Variants in LRP1B observed in about 807,000 individuals in gnomAD.
LRP1B encodes the protein low-density lipoprotein receptor-related protein 1B.
A neutral mutation model predicts 556.6 loss-of-function variants in LRP1B; 217 were observed. The observed-to-expected ratio is 0.39, with a 90% CI of 0.35 to 0.44. LRP1B has a LOEUF of 0.44. LRP1B is among the 20% of genes least tolerant of loss of function. The probability of loss-of-function intolerance (pLI) is 1.00; values close to 1 mark genes in which losing one functional copy is unlikely to be tolerated. For synonymous variants in LRP1B, 2,047 were observed against 1,865.8 expected (o/e 1.10, Z -2.50); for missense variants, 5,053 against 5,620.8 (o/e 0.90, Z 3.23).
At chr2:140,339,670 GATGTAAAATA>G (rs1156907043) in intron 77 of LRP1B, among the ~76,000 whole-genome samples, 2 of 151,478 alleles carry the variant, frequency 1.3e-5, no homozygotes, top group African/African-American at 4.8e-5. Context: ...CCAATGAGTG[GATGTAAAATA>G]ATGACTACAC....
At chr2:140,480,938 C>T (rs954389027) in intron 59 of LRP1B, among the ~76,000 whole-genome samples, 1 of 152,056 alleles carries the variant, frequency 6.6e-6, no homozygotes, top group Admixed American at 6.5e-5. Context: ...ACCATCTGGG[C>T]TCACTGCAAC....
chr2:141,654,941 G>A (rs1689946750), intron 2 of LRP1B, among the ~76,000 whole-genome samples: 2 of 152,112 alleles, frequency 1.3e-5, no homozygotes, highest in African/African-American at 2.4e-5. Context: ...TTAGGGAGGT[G>A]TACAATGCTG....
intron 2 of LRP1B, among the ~76,000 whole-genome samples, chr2:141,613,799 A>G (rs1688191801): frequency 6.6e-6 from 1 of 152,066 alleles, no homozygotes; most frequent in South Asian, 2.1e-4. Flanking sequence ...TTTGCCGGGT[A>G]TGGCAGCTCA....
At chr2:140,757,241 C>T (rs913462417) in intron 35 of LRP1B, among the ~76,000 whole-genome samples, 8 of 152,256 alleles carry the variant, frequency 5.3e-5, no homozygotes, top group East Asian at 1.9e-4. Flanking sequence ...AACAATCTGG[C>T]GGTTCTTCCA....
chr2:140,736,345 G>T (rs1687946442), intron 35 of LRP1B, among the ~76,000 whole-genome samples: 4 of 152,022 alleles, frequency 2.6e-5, no homozygotes. Context: ...TAGGAGGGCA[G>T]TCCCAAAGCT....
At chr2:140,271,508 A>G (rs1193525689) in intron 85 of LRP1B, among the ~76,000 whole-genome samples, 1 of 151,946 alleles carries the variant, frequency 6.6e-6, no homozygotes, top group Non-Finnish European at 1.5e-5. Context: ...TATTCTGTGC[A>G]TGTTTATTTG....
intron 2 of LRP1B, among the ~76,000 whole-genome samples, chr2:141,700,356 G>A (rs1413783202): frequency 2.6e-5 from 4 of 151,540 alleles, no homozygotes; most frequent in Non-Finnish European, 5.9e-5. Flanking sequence ...GAATAGCATC[G>A]ATTTATCAAA....
At chr2:142,098,574 A>C (rs17774450) in intron 1 of LRP1B, among the ~76,000 whole-genome samples, 6,547 of 151,888 alleles carry the variant, frequency 0.043, 230 homozygotes, top group Non-Finnish European at 0.058. Context: ...CTTCATTGCA[A>C]AACAAAATAT....
At chr2:141,821,488 G>C (rs961936287) in intron 1 of LRP1B, among the ~76,000 whole-genome samples, 4 of 152,124 alleles carry the variant, frequency 2.6e-5, no homozygotes, top group Admixed American at 2.6e-4. Context: ...CAGGATGAAG[G>C]CCAGCAATAA....
intron 2 of LRP1B, among the ~76,000 whole-genome samples, chr2:141,633,369 T>C (rs12479134): frequency 0.27 from 40,543 of 151,790 alleles, 6,347 homozygotes; most frequent in East Asian, 0.59. Context: ...GGAATTAAGG[T>C]CATCACACCC....
At chr2:141,038,043 C>T (rs1698587546) in intron 11 of LRP1B, among the ~76,000 whole-genome samples, 2 of 151,804 alleles carry the variant, frequency 1.3e-5, no homozygotes, top group African/African-American at 4.8e-5. Context: ...CCACTGTTAC[C>T]TCTTCCAATC....
intron 1 of LRP1B, among the ~76,000 whole-genome samples, chr2:141,960,956 CT>C (rs982883339): frequency 6.6e-6 from 1 of 151,526 alleles, no homozygotes; most frequent in African/African-American, 2.4e-5. Flanking sequence ...ATCAGCTCAG[CT>C]TTTTTTATTA....
Position 140,598,621 on chromosome 2 carries a change from A to G in LRP1B, c.7194+10T>C, listed in dbSNP as rs762736870. On this transcript the variant is annotated intron_variant, in intron 43 of 90. Coordinates refer to ENST00000389484, the MANE Select transcript of LRP1B (RefSeq NM_018557.3). ...TAACTCTATAACCAAGAAATTCCTG[A>G]TTAACTTACATGTCTCTGGGATCCA... 78 of 1,602,710 alleles carry G rather than the reference A, an allele frequency of 4.9e-5. No homozygotes were observed. Among genetic ancestry groups the G allele is most frequent in the Non-Finnish European group, 5.8e-5 (68 of 1,170,110 alleles).
chr2:141,009,714 T>A (rs376866843), intron 14 of LRP1B, among the ~76,000 whole-genome samples: 1 of 152,024 alleles, frequency 6.6e-6, no homozygotes, highest in Non-Finnish European at 1.5e-5. Context: ...TCCTGGATTC[T>A]ATAAAAGTAG....
intron 37 of LRP1B, among the ~76,000 whole-genome samples, chr2:140,709,613 G>A (rs1686963344): frequency 6.6e-6 from 1 of 152,020 alleles, no homozygotes; most frequent in African/African-American, 2.4e-5. Flanking sequence ...AAGAGCTCAA[G>A]TCTCTATTGT....
chr2:140,867,138 A>G (rs1692975004), intron 27 of LRP1B, among the ~76,000 whole-genome samples: 1 of 152,096 alleles, frequency 6.6e-6, no homozygotes, highest in South Asian at 2.1e-4. Context: ...AGGAAACACA[A>G]TCACAAAACC....
intron 15 of LRP1B, among the ~76,000 whole-genome samples, chr2:140,997,389 T>A (rs1697277688): frequency 6.6e-6 from 1 of 151,814 alleles, no homozygotes; most frequent in South Asian, 2.1e-4. Context: ...TTTTTTTTAA[T>A]TTATTTTAGT....
chr2:140,285,330 CACAT>C (rs887438551), intron 84 of LRP1B, among the ~76,000 whole-genome samples: 105 of 38,410 alleles, frequency 2.7e-3, no homozygotes, highest in African/African-American at 3.9e-3. Flanking sequence ...CACACATATA[CACAT>C]ACATATGTAT....
chr2:140,487,243 T>C (rs959783314), intron 58 of LRP1B, among the ~76,000 whole-genome samples: 1 of 151,928 alleles, frequency 6.6e-6, no homozygotes, highest in East Asian at 1.9e-4. Context: ...CACACTGTAA[T>C]GTTTAACTTT....
Sources: gnomAD v4.1 joint callset for allele counts (sites outside exome capture counted in the v4.1 genomes callset) on GRCh38, gnomAD v4.1.1 for gene constraint, MANE v1.5 for transcripts, NCBI Gene and HGNC (gene_info 2026-07-23, HGNC 2026-07-21) for gene names.